The following CPEB1 variants were observed in gnomAD, a reference collection of about 807,000 sequenced individuals.
The protein encoded by CPEB1 is cytoplasmic polyadenylation element-binding protein 1.
CPEB1 carries 7 observed loss-of-function variants against 65.8 expected under a neutral mutation model. The ratio of observed to expected loss-of-function variants is 0.11; its 90% confidence interval spans 0.06 to 0.20. The LOEUF is 0.20. Ranked by LOEUF, CPEB1 falls within the 10% of genes least tolerant of loss-of-function variation. CPEB1 has a pLI of 1.00. For synonymous variants in CPEB1, 262 were observed against 260.0 expected (o/e 1.01, Z -0.08); for missense variants, 551 against 712.2 (o/e 0.77, Z 2.58).
At chr15:82,614,586 C>T (rs1402296522) in intron 3 of CPEB1, among the ~76,000 whole-genome samples, 1 of 151,916 alleles carries the variant, frequency 6.6e-6, no homozygotes. Flanking sequence ...GGGGGGAGTA[C>T]AATTTGAACA....
At chr15:82,591,082 G>GA (rs1375607417) in intron 3 of CPEB1, among the ~76,000 whole-genome samples, 5 of 152,102 alleles carry the variant, frequency 3.3e-5, no homozygotes, top group African/African-American at 1.2e-4. Context: ...GCTCTTTGAA[G>GA]AATCACTACA....
At chr15:82,587,233 C>T (rs1321418048) in intron 3 of CPEB1, among the ~76,000 whole-genome samples, 1 of 152,266 alleles carries the variant, frequency 6.6e-6, no homozygotes, top group East Asian at 1.9e-4. Flanking sequence ...TCTCCAACTG[C>T]TGAGACAATC....
chr15:82,617,368 GT>G (rs1319289698), intron 3 of CPEB1, among the ~76,000 whole-genome samples: 1 of 152,158 alleles, frequency 6.6e-6, no homozygotes, highest in Non-Finnish European at 1.5e-5. Flanking sequence ...TTTGTGTTAA[GT>G]TTGTATACGG....
chr15:82,594,105 T>C (rs995765651), intron 3 of CPEB1, among the ~76,000 whole-genome samples: 2 of 152,208 alleles, frequency 1.3e-5, no homozygotes, highest in Non-Finnish European at 2.9e-5. Context: ...AACAAGAGAA[T>C]CAGCCTGTTC....
intron 3 of CPEB1, among the ~76,000 whole-genome samples, chr15:82,574,059 C>A (rs934043659): frequency 2.6e-5 from 4 of 152,112 alleles, no homozygotes; most frequent in Non-Finnish European, 4.4e-5. Flanking sequence ...TCTGTTAAAC[C>A]CATTTAAGAC....
Position 82,584,903 on chromosome 15 carries a change from C to CTTTTTT in CPEB1, c.272-13377_272-13372dup, listed in dbSNP as rs3080692. On this transcript the variant is annotated intron_variant, in intron 3 of 12. Transcript: ENST00000684509. ...GACATAATTTTTTTTTCCTAATTTG[C>CTTTTTT]TTTTTTTTTTTTTTTTTTTACAGTG... Among the ~76,000 whole-genome samples, 37 of 81,732 alleles carry CTTTTTT rather than the reference C, an allele frequency of 4.5e-4. 5 individuals are homozygous for CTTTTTT. Among genetic ancestry groups the CTTTTTT allele is most frequent in the African/African-American group, 1.4e-3 (24 of 16,870 alleles). The allele number at this position is 81,732 out of a possible 152,430, so 53.6% of individuals were successfully genotyped here.
intron 3 of CPEB1, among the ~76,000 whole-genome samples, chr15:82,594,202 C>T (rs192032146): frequency 6.6e-6 from 1 of 152,274 alleles, no homozygotes; most frequent in East Asian, 1.9e-4. Flanking sequence ...AGGCTGTTTT[C>T]ATCTACATTG....
rs1466071100 is a variant in CPEB1 at position 82,544,298 on chromosome 15, C to T, written c.*294G>A. On this transcript the variant is annotated 3_prime_UTR_variant, in exon 13 of 13. Coordinates refer to ENST00000684509, the MANE Select transcript of CPEB1 (RefSeq NM_001365242.1). ...TTTTTTTTTTTTTTTTTTTTTTCCCCGCTTTTCATCTGCAAAATGAGGAAC... is the reference window on the plus strand; with the variant it reads ...TTTTTTTTTTTTTTTTTTTTTTCCCTGCTTTTCATCTGCAAAATGAGGAAC... 8.4e-5 allele frequency: 20 copies of T among 237,140 alleles called. No individual in the cohort carries two copies. Among genetic ancestry groups the T allele is most frequent in the African/African-American group, 4.1e-4 (17 of 41,540 alleles). 14.7% of individuals were successfully genotyped at this position (237,140 alleles called of 1,614,324 possible).
intron 3 of CPEB1, among the ~76,000 whole-genome samples, chr15:82,609,883 A>G (rs1432049897): frequency 6.6e-6 from 1 of 151,972 alleles, no homozygotes; most frequent in African/African-American, 2.4e-5. Context: ...CAACATAGAA[A>G]AACTCCGTCT....
At chr15:82,568,410 A>G (rs1434211710) in intron 4 of CPEB1, among the ~76,000 whole-genome samples, 3 of 152,096 alleles carry the variant, frequency 2.0e-5, no homozygotes, top group Non-Finnish European at 4.4e-5. Context: ...AGAAAAACGC[A>G]CTTATAACAC....
Position 82,628,431 on chromosome 15 carries a change from G to C in CPEB1, c.29C>G (p.Ser10Trp). 1.4e-6 allele frequency: 1 copy of C among 702,938 alleles called. No individual in the cohort carries two copies. Among genetic ancestry groups the C allele is most frequent in the Non-Finnish European group, 2.6e-6 (1 of 384,976 alleles). The allele number at this position is 702,938 out of a possible 1,614,324, so 43.5% of individuals were successfully genotyped here. Residue 10 changes from serine (S) to tryptophan (W), a missense_variant, in exon 2 of 13, where the codon TCG (serine) becomes TGG (tryptophan). Ser to Trp is a radical substitution (Grantham distance 177). Around this residue, in one of 6 missense-constraint regions of CPEB1, gnomAD observed 223 missense variants for 228.6 expected, o/e 0.98. Coordinates refer to ENST00000684509, the MANE Select transcript of CPEB1 (RefSeq NM_001365242.1). ...CAAACCAGTGCCAGACATGGAAGAC[G>C]ATGTTGAAGTAGCAATGCCAGAAAA... Reference protein sequence around the residue: MFSGIATSTSSSMSGTGLEH... With the variant: MFSGIATSTWSSMSGTGLEH...
intron 1 of CPEB1, among the ~76,000 whole-genome samples, chr15:82,646,668 C>T (rs1005887704): frequency 2.0e-5 from 3 of 152,116 alleles, no homozygotes; most frequent in African/African-American, 7.2e-5. Flanking sequence ...TTCTCGGTCA[C>T]GGGGTCAACG....
intron 3 of CPEB1, among the ~76,000 whole-genome samples, chr15:82,606,594 G>A (rs1234440216): frequency 8.8e-6 from 1 of 113,336 alleles, no homozygotes; most frequent in Non-Finnish European, 1.8e-5. Context: ...CGAGGCGGGC[G>A]GATCACGAGG....
Position 82,571,405 on chromosome 15 carries a change from G to A in CPEB1, c.399C>T (p.Gly133=), listed in dbSNP as rs1334777148. 4 of 1,614,024 alleles carry A rather than the reference G, an allele frequency of 2.5e-6. No individual in the cohort carries two copies. The highest frequency in any genetic ancestry group is 2.5e-6 in the Non-Finnish European group (3 of 1,180,028). Residue 133 remains glycine, a synonymous_variant, in exon 4 of 13, where the codon GGC becomes GGT. Transcript: ENST00000684509. ...CLGLQSLSLT[G]WDRPWSTQDS... Reference sequence around the variant, plus strand: ...CCTGGGTGCTCCAGGGTCGGTCCCAGCCTGTCAGACTGAGGGACTGCAGGC... The same window carrying A: ...CCTGGGTGCTCCAGGGTCGGTCCCAACCTGTCAGACTGAGGGACTGCAGGC...
At chr15:82,616,570 G>A (rs1166075588) in intron 3 of CPEB1, among the ~76,000 whole-genome samples, 1 of 129,456 alleles carries the variant, frequency 7.7e-6, no homozygotes, top group Admixed American at 8.7e-5. Context: ...ACGGAGTTTC[G>A]TTCTTGTCAT....
intron 1 of CPEB1, chr15:82,629,631 G>T (rs2046074165): frequency 3.0e-6 from 3 of 985,220 alleles, no homozygotes; most frequent in East Asian, 1.1e-4. Context: ...TGAAATATTG[G>T]TTGACAGATT....
intron 3 of CPEB1, chr15:82,572,964 A>G: frequency 7.3e-7 from 1 of 1,373,288 alleles, no homozygotes; most frequent in Non-Finnish European, 9.5e-7. Flanking sequence ...TCTTCCTCAT[A>G]AAGGAGGGTA....
intron 10 of CPEB1, 51 bp from the exon 11 acceptor site, chr15:82,547,288 A>G: frequency 3.1e-6 from 2 of 642,708 alleles, no homozygotes; most frequent in Middle Eastern, 4.7e-4. Context: ...CCCAAATGCT[A>G]CTTTTTTTTT....
At chr15:82,564,976 A>G (rs2038885053) in intron 4 of CPEB1, among the ~76,000 whole-genome samples, 1 of 152,332 alleles carries the variant, frequency 6.6e-6, no homozygotes, top group African/African-American at 2.4e-5. Flanking sequence ...GGGCAATGCC[A>G]TCCTAGAGAA....
Sources: gnomAD v4.1 joint callset for allele counts (sites outside exome capture counted in the v4.1 genomes callset) on GRCh38, gnomAD v4.1.1 for gene constraint, gnomAD v4.1.1 regional missense constraint, MANE v1.5 for transcripts, NCBI Gene and HGNC (gene_info 2026-07-23, HGNC 2026-07-21) for gene names.